COL6A6: variants seen among roughly 807,000 people sequenced by gnomAD.
COL6A6 encodes collagen alpha-6(VI) chain.
A neutral mutation model predicts 208.6 loss-of-function variants in COL6A6; 183 were observed. That is an observed-to-expected ratio of 0.88 (90% CI 0.78 to 0.99). The LOEUF is 0.99. Among genes scored for constraint, COL6A6 ranks in the 50% least tolerant of loss-of-function variants. The pLI is 0.00. For synonymous variants in COL6A6, 973 were observed against 1,011.8 expected (o/e 0.96, Z 0.73); for missense variants, 2,816 against 2,815.2 (o/e 1.00, Z -0.01).
intron 33 of COL6A6, among the ~76,000 whole-genome samples, chr3:130,655,663 C>T (rs910706739): frequency 6.6e-6 from 1 of 152,152 alleles, no homozygotes; most frequent in Non-Finnish European, 1.5e-5. Context: ...ATTTGTGATA[C>T]CAAAGTGTTA....
intron 11 of COL6A6, 102 bp from the exon 12 acceptor site, chr3:130,588,988 T>G: frequency 1.4e-6 from 1 of 715,756 alleles, no homozygotes; most frequent in Non-Finnish European, 2.3e-6. Flanking sequence ...GTGACCAGGC[T>G]TCTGAAACTG....
chr3:130,613,266 A>G (rs2064415031), intron 23 of COL6A6, among the ~76,000 whole-genome samples: 1 of 152,240 alleles, frequency 6.6e-6, no homozygotes, highest in Non-Finnish European at 1.5e-5. Flanking sequence ...TTTATTGAAT[A>G]GGGAGTCTTT....
At chr3:130,573,836 T>C in intron 7 of COL6A6, 120 bp from the exon 8 acceptor site, 1 of 669,362 alleles carries the variant, frequency 1.5e-6, no homozygotes, top group Non-Finnish European at 2.5e-6. Flanking sequence ...CCCAAAGTGC[T>C]GGGATTACAG....
At chr3:130,530,176 C>T (rs1168258250) in intron 1 of COL6A6, among the ~76,000 whole-genome samples, 1 of 152,190 alleles carries the variant, frequency 6.6e-6, no homozygotes, top group East Asian at 1.9e-4. Context: ...AACCCTGGCT[C>T]TGTTGCTTAA....
intron 36 of COL6A6, among the ~76,000 whole-genome samples, chr3:130,670,963 G>A (rs968205178): frequency 6.6e-6 from 1 of 152,118 alleles, no homozygotes; most frequent in African/African-American, 2.4e-5. Context: ...GGGAAGTCAA[G>A]AGACTGGACA....
intron 8 of COL6A6, among the ~76,000 whole-genome samples, chr3:130,579,460 T>A (rs1271676345): frequency 6.6e-6 from 1 of 152,160 alleles, no homozygotes; most frequent in Non-Finnish European, 1.5e-5. Context: ...ACTTCTGTCT[T>A]CCCACTCACA....
intron 33 of COL6A6, among the ~76,000 whole-genome samples, chr3:130,652,644 C>T (rs2065678240): frequency 6.6e-6 from 1 of 152,204 alleles, no homozygotes; most frequent in African/African-American, 2.4e-5. Flanking sequence ...GGTTAGAACC[C>T]AATGTCTGAT....
rs111892361 is a variant in COL6A6 at position 130,612,557 on chromosome 3, A to G, written c.4815+1846A>G. Among the ~76,000 whole-genome samples, 630 of 152,314 alleles carry G rather than the reference A, an allele frequency of 4.1e-3. 5 individuals are homozygous for G. The highest frequency in any genetic ancestry group is 0.015 in the African/African-American group (604 of 41,568). On this transcript the variant is annotated intron_variant, in intron 23 of 36. Coordinates refer to ENST00000358511, the MANE Select transcript of COL6A6 (RefSeq NM_001102608.3). Reference sequence around the variant, plus strand: ...TAAATAATACAAAACTGCGTTTAACACTACAAAAAATATAAGTGTTTGTTG... The same window carrying G: ...TAAATAATACAAAACTGCGTTTAACGCTACAAAAAATATAAGTGTTTGTTG...
rs141275136 is a variant in COL6A6, at chr3:130,619,429, T to C, written c.4816-2392T>C. Among the ~76,000 whole-genome samples the C allele has an allele frequency of 2.0e-5, 3 of 152,310 alleles. No homozygotes were observed. The East Asian group carries it at 5.8e-4, about 29-fold the overall frequency. ...GATGAATCACTTGCTTTGATGTGCCTGAACATAAAGCGATGGAAGTAGTCA... is the reference window on the plus strand; with the variant it reads ...GATGAATCACTTGCTTTGATGTGCCCGAACATAAAGCGATGGAAGTAGTCA... On this transcript the variant is annotated intron_variant, in intron 23 of 36. Coordinates refer to ENST00000358511, the MANE Select transcript of COL6A6 (RefSeq NM_001102608.3).
At chr3:130,569,059 C>T (rs2063098742) in intron 6 of COL6A6, among the ~76,000 whole-genome samples, 1 of 152,150 alleles carries the variant, frequency 6.6e-6, no homozygotes. Context: ...GTTGGTCCTA[C>T]CTTGAGGCGA....
Position 130,588,737 on chromosome 3 carries a change from G to A in COL6A6, c.4126-353G>A, listed in dbSNP as rs575336269. Among the ~76,000 whole-genome samples, 11 of 152,140 alleles carry A rather than the reference G, an allele frequency of 7.2e-5. No individual in the cohort carries two copies. The East Asian group carries it at 1.2e-3, about 16-fold the overall frequency. ...TGGGGCAGAAATATATAGGGAAATC[G>A]ACAATATCATAGTCAGTGCTAGAGT... On this transcript the variant is annotated intron_variant, in intron 11 of 36. Transcript: ENST00000358511.
chr3:130,553,200 A>G (rs1423313227), intron 1 of COL6A6, among the ~76,000 whole-genome samples: 6 of 152,156 alleles, frequency 3.9e-5, no homozygotes, highest in African/African-American at 1.4e-4. Flanking sequence ...CTCTCTAGCC[A>G]GGTTGGGGAA....
intron 1 of COL6A6, among the ~76,000 whole-genome samples, chr3:130,556,406 A>T (rs922933905): frequency 6.6e-6 from 1 of 152,208 alleles, no homozygotes; most frequent in African/African-American, 2.4e-5. Context: ...AAAATACTTT[A>T]TAAAAGATTC....
chr3:130,587,994 A>G lies in COL6A6; in HGVS notation c.4126-1096A>G, dbSNP rs1230414924. 3.3e-5 allele frequency among the ~76,000 whole-genome samples: 5 copies of G among 152,202 alleles called. No homozygotes were observed. The South Asian group carries it at 1.0e-3, about 32-fold the overall frequency. ...ATGGAACACTCTACAAGAAAAACTT[A>G]ATCATAGATCAGTTTTAATGTTAAT... is the stretch of plus-strand genomic sequence containing the variant. On this transcript the variant is annotated intron_variant, in intron 11 of 36. Transcript: ENST00000358511.
chr3:130,565,132 G>A lies in COL6A6; in HGVS notation c.800G>A (p.Arg267Lys). The part of the protein sequence containing the change: ...SALDIKENCM[R>K]VGLVAYSNET... The stretch of plus-strand genomic sequence containing the variant: ...CTTGACATAAAGGAAAATTGCATGA[G>A]GGTTGGCCTTGTGGCCTATAGCAAT... The change falls in exon 4 of 37, where the codon AGG becomes AAG. Residue 267 changes from arginine to lysine, a missense_variant. By Grantham distance (26) the Arg-to-Lys change is conservative. Transcript: ENST00000358511. The A allele has an allele frequency of 6.2e-7, 1 of 1,614,052 alleles. No homozygotes were observed. Among genetic ancestry groups the A allele is most frequent in the Non-Finnish European group, 8.5e-7 (1 of 1,179,898 alleles).
intron 1 of COL6A6, among the ~76,000 whole-genome samples, chr3:130,539,669 A>C (rs1476969144): frequency 6.6e-6 from 1 of 151,558 alleles, no homozygotes; most frequent in Non-Finnish European, 1.5e-5. Flanking sequence ...GAGTTCCTTT[A>C]ATTGGGTTCT....
chr3:130,526,526 T>C (rs930453488), intron 1 of COL6A6, among the ~76,000 whole-genome samples: 1 of 152,190 alleles, frequency 6.6e-6, no homozygotes, highest in Non-Finnish European at 1.5e-5. Context: ...CAAAGATCCC[T>C]CTGATTGCTG....
At chr3:130,518,691 A>G (rs1710888581) in intron 1 of COL6A6, among the ~76,000 whole-genome samples, 2 of 152,194 alleles carry the variant, frequency 1.3e-5, no homozygotes, top group South Asian at 4.1e-4. Flanking sequence ...TTTTTAGTAG[A>G]GACGGGGTTT....
At chr3:130,577,918 A>C (rs1268867088) in intron 8 of COL6A6, among the ~76,000 whole-genome samples, 1 of 152,220 alleles carries the variant, frequency 6.6e-6, no homozygotes, top group Non-Finnish European at 1.5e-5. Flanking sequence ...ACAATTTACC[A>C]ACAATTCCTT....
Sources: gnomAD v4.1 joint callset for allele counts (sites outside exome capture counted in the v4.1 genomes callset) on GRCh38, gnomAD v4.1.1 for gene constraint, MANE v1.5 for transcripts, NCBI Gene and HGNC (gene_info 2026-07-23, HGNC 2026-07-21) for gene names.